The following PCDH11X variants were observed in gnomAD, a reference collection of about 807,000 sequenced individuals.
The protein encoded by PCDH11X is protocadherin 11 X-linked, also known as protocadherin-11 X-linked.
PCDH11X carries 18 observed loss-of-function variants against 53.3 expected under a neutral mutation model. That is an observed-to-expected ratio of 0.34 (90% CI 0.23 to 0.50). The LOEUF is 0.50. Among genes scored for constraint, PCDH11X ranks in the 20% least tolerant of loss-of-function variants. The probability of loss-of-function intolerance (pLI) is 0.98; values close to 1 mark genes in which losing one functional copy is unlikely to be tolerated. For missense variants in PCDH11X, 570 were observed against 1,032.4 expected (o/e 0.55, Z 6.14); for synonymous variants, 279 against 393.3 (o/e 0.71, Z 3.44).
chrX:92,046,313 G>A (rs1219268549), intron 6 of PCDH11X, among the ~76,000 whole-genome samples: 2 of 111,566 alleles, frequency 1.8e-5, no homozygotes, highest in Non-Finnish European at 3.8e-5. Context: ...TAAGCATGTA[G>A]GTTTTATTTC....
At position 91,817,568 on chromosome X, in the gene PCDH11X, A is replaced by G. The variant is rs777391244; in HGVS notation, c.-45+6273A>G. On this transcript the variant is annotated intron_variant, in intron 4 of 10. Coordinates refer to ENST00000682573, the MANE Select transcript of PCDH11X (RefSeq NM_032968.5). ...TTTCTGTCGTAATAGAAATATTCTA[A>G]AATCTGTGCTGTCCAGTGCTTAAGT... 2.7e-5 allele frequency among the ~76,000 whole-genome samples: 3 copies of G among 111,356 alleles called. No individual in the cohort carries two copies. The South Asian group carries it at 1.1e-3, about 42-fold the overall frequency.
intron 8 of PCDH11X, among the ~76,000 whole-genome samples, chrX:92,263,513 G>A (rs1454349232): frequency 8.9e-6 from 1 of 111,916 alleles, no homozygotes; most frequent in Non-Finnish European, 1.9e-5. Context: ...ACAGCAGAAA[G>A]TTAGTGAATA....
chrX:92,116,493 G>A (rs1388273684), intron 6 of PCDH11X, among the ~76,000 whole-genome samples: 1 of 112,471 alleles, frequency 8.9e-6, no homozygotes, highest in African/African-American at 3.2e-5. Flanking sequence ...GTAGACAGAT[G>A]TAGAAAGCTC....
chrX:92,478,349 T>C (rs1328989216), intron 10 of PCDH11X, among the ~76,000 whole-genome samples: 1 of 111,669 alleles, frequency 9.0e-6, no homozygotes, highest in Non-Finnish European at 1.9e-5. Flanking sequence ...TGAATGTTTT[T>C]TCCTGTCTCA....
chrX:92,422,166 C>T (rs78118818), intron 9 of PCDH11X, among the ~76,000 whole-genome samples: 12,542 of 95,872 alleles, frequency 0.13, 773 homozygotes, highest in African/African-American at 0.21. Flanking sequence ...TTTTATTTCA[C>T]ATTTTATTTC....
intron 6 of PCDH11X, among the ~76,000 whole-genome samples, chrX:92,137,391 A>G (rs767791801): frequency 9.0e-6 from 1 of 111,654 alleles, no homozygotes; most frequent in South Asian, 3.7e-4. Context: ...AGCAGCTTTA[A>G]TGGTTGCCAA....
chrX:91,810,838 CTT>C (rs1458078754), intron 3 of PCDH11X, among the ~76,000 whole-genome samples: 6 of 111,592 alleles, frequency 5.4e-5, no homozygotes, highest in Non-Finnish European at 9.4e-5. Context: ...ATAAATAAAA[CTT>C]TGAATCTATC....
intron 1 of PCDH11X, among the ~76,000 whole-genome samples, chrX:91,795,240 C>T (rs1311876169): frequency 9.0e-6 from 1 of 111,621 alleles, no homozygotes; most frequent in Non-Finnish European, 1.9e-5. Flanking sequence ...AACAGTTACA[C>T]CTACTGACTT....
Position 91,791,132 on chromosome X carries a change from A to T in PCDH11X, c.-379+11448A>T, listed in dbSNP as rs1220139193. 8.3e-5 allele frequency among the ~76,000 whole-genome samples: 9 copies of T among 108,854 alleles called. No individual in the cohort carries two copies. The South Asian group carries it at 2.5e-3, about 30-fold the overall frequency. The allele number at this position is 108,854 out of a possible 115,157, so 94.5% of individuals were successfully genotyped here. A position where few individuals can be genotyped will look rare whatever the true frequency, so the allele number is the denominator to read the frequency against. On this transcript the variant is annotated intron_variant, in intron 1 of 10. Coordinates refer to ENST00000682573, the MANE Select transcript of PCDH11X (RefSeq NM_032968.5). ...TGCTAAATGAACTTGAGTGTCTGCC[A>T]AAATTGCCTTGGATTTCATTACTCT...
At chrX:92,181,147 T>C (rs756979610) in intron 6 of PCDH11X, among the ~76,000 whole-genome samples, 7 of 111,457 alleles carry the variant, frequency 6.3e-5, no homozygotes, top group Non-Finnish European at 9.4e-5. Flanking sequence ...CAGGCTGAGA[T>C]GGTCTCAGAT....
chrX:92,086,745 G>A (rs1316271811), intron 6 of PCDH11X, among the ~76,000 whole-genome samples: 1 of 110,626 alleles, frequency 9.0e-6, no homozygotes, highest in Non-Finnish European at 1.9e-5. Flanking sequence ...AATATATTAA[G>A]CATATTTTGT....
chrX:92,593,961 T>C (rs2148799924), intron 10 of PCDH11X, among the ~76,000 whole-genome samples: 1 of 93,193 alleles, frequency 1.1e-5, no homozygotes, highest in East Asian at 3.3e-4. Flanking sequence ...AGGTGAGATT[T>C]TGTGCTCTCT....
At chrX:91,945,058 T>TATATATATATATATATATAC (rs2061556830) in intron 6 of PCDH11X, among the ~76,000 whole-genome samples, 1 of 88,842 alleles carries the variant, frequency 1.1e-5, no homozygotes, top group African/African-American at 3.8e-5. Flanking sequence ...CATATATATA[T>TATATATATATATATATATAC]ATATATATAT....
chrX:92,318,887 A>G (rs1456369697), intron 8 of PCDH11X, among the ~76,000 whole-genome samples: 1 of 111,655 alleles, frequency 9.0e-6, no homozygotes, highest in African/African-American at 3.3e-5. Flanking sequence ...GGAAATCCAT[A>G]GTCATTTAGC....
intron 6 of PCDH11X, among the ~76,000 whole-genome samples, chrX:92,122,139 C>T (rs192497760): frequency 0.014 from 1,481 of 109,027 alleles, 23 homozygotes; most frequent in African/African-American, 0.047. Context: ...TCTGCCACCA[C>T]GCCCGGCTAA....
At chrX:92,527,824 T>C (rs919207272) in intron 10 of PCDH11X, among the ~76,000 whole-genome samples, 3 of 110,687 alleles carry the variant, frequency 2.7e-5, no homozygotes, top group Non-Finnish European at 5.6e-5. Flanking sequence ...CCCAAATATC[T>C]GAATTTTACT....
chrX:92,537,947 G>A (rs1432604618), intron 10 of PCDH11X, among the ~76,000 whole-genome samples: 1 of 103,964 alleles, frequency 9.6e-6, no homozygotes, highest in Non-Finnish European at 2.0e-5. Context: ...GCAAACAAAG[G>A]TAATTTGAAT....
chrX:92,557,183 C>T (rs1326069308), intron 10 of PCDH11X, among the ~76,000 whole-genome samples: 1 of 105,273 alleles, frequency 9.5e-6, no homozygotes, highest in Non-Finnish European at 1.9e-5. Flanking sequence ...ACATGCTCTG[C>T]AGACATTTCA....
chrX:92,033,499 G>C (rs1251858469), intron 6 of PCDH11X, among the ~76,000 whole-genome samples: 1 of 108,583 alleles, frequency 9.2e-6, no homozygotes, highest in Non-Finnish European at 1.9e-5. Context: ...GAATTAATTT[G>C]TTTCTTCTAG....
Sources: allele counts gnomAD v4.1 joint callset (sites outside exome capture counted in the v4.1 genomes callset), GRCh38; gene constraint gnomAD v4.1.1; transcripts MANE v1.5; gene names NCBI Gene and HGNC (gene_info 2026-07-23, HGNC 2026-07-21).